UBE2QL1: variants seen among roughly 807,000 people sequenced by gnomAD.
UBE2QL1 encodes the protein ubiquitin-conjugating enzyme E2Q-like protein 1.
Under a neutral mutation model 12.6 loss-of-function variants are expected in UBE2QL1, and 5 were observed. The observed-to-expected ratio is 0.40, with a 90% CI of 0.21 to 0.83. The LOEUF (loss-of-function observed/expected upper bound fraction) is 0.83, where lower values mean the gene tolerates loss of function less well. Among genes scored for constraint, UBE2QL1 ranks in the 40% least tolerant of loss-of-function variants. The pLI is 0.37. For synonymous variants in UBE2QL1, 96 were observed against 94.5 expected (o/e 1.02, Z -0.10); for missense variants, 99 against 222.6 (o/e 0.44, Z 3.53).
intron 1 of UBE2QL1, 58 bp from the exon 2 acceptor site, chr5:6,491,160 G>A: frequency 6.8e-7 from 1 of 1,470,434 alleles, no homozygotes; most frequent in South Asian, 1.4e-5. Flanking sequence ...AATAAAGATG[G>A]TAGGAAACAG....
intron 1 of UBE2QL1, among the ~76,000 whole-genome samples, chr5:6,488,421 A>G (rs1275512395): frequency 6.6e-6 from 1 of 151,694 alleles, no homozygotes; most frequent in Non-Finnish European, 1.5e-5. Flanking sequence ...TATTGTGGAG[A>G]AAAAGGATAC....
intron 1 of UBE2QL1, among the ~76,000 whole-genome samples, chr5:6,470,205 A>G (rs1739881689): frequency 6.6e-6 from 1 of 152,152 alleles, no homozygotes; most frequent in South Asian, 2.1e-4. Context: ...GCCTTTGTGC[A>G]CCTCCAGGTG....
At chr5:6,457,847 A>G (rs1024434358) in intron 1 of UBE2QL1, among the ~76,000 whole-genome samples, 8 of 152,338 alleles carry the variant, frequency 5.3e-5, no homozygotes, top group Non-Finnish European at 1.0e-4. Context: ...ATGCCTCTGC[A>G]GTTCCATGGT....
intron 1 of UBE2QL1, among the ~76,000 whole-genome samples, chr5:6,488,623 CCT>C (rs1734509286): frequency 6.6e-6 from 1 of 151,818 alleles, no homozygotes; most frequent in South Asian, 2.1e-4. Flanking sequence ...AAAACGATAC[CCT>C]GTCTCTATAA....
At position 6,491,707 on chromosome 5, in the gene UBE2QL1, C is replaced by T. The variant is rs535194776; in HGVS notation, c.*358C>T. 49 of 167,680 alleles carry T rather than the reference C, an allele frequency of 2.9e-4. 1 individual carries two copies. The East Asian group carries it at 8.1e-3, about 28-fold the overall frequency. 10.4% of individuals were successfully genotyped at this position (167,680 alleles called of 1,614,324 possible). On this transcript the variant is annotated 3_prime_UTR_variant, in exon 2 of 2. Coordinates refer to ENST00000399816, the MANE Select transcript of UBE2QL1 (RefSeq NM_001145161.3). ...GACGAGCCGGCAGGAAACTCAATGC[C>T]CCTGCTGGCTCCATTTCCATGTAAA...
At chr5:6,483,784 C>T (rs1734412146) in intron 1 of UBE2QL1, among the ~76,000 whole-genome samples, 1 of 152,216 alleles carries the variant, frequency 6.6e-6, no homozygotes, top group African/African-American at 2.4e-5. Context: ...GGGCTGGTTC[C>T]CTTGTGGCTG....
At chr5:6,488,815 A>AAAAAAAG (rs111499555) in intron 1 of UBE2QL1, among the ~76,000 whole-genome samples, 1 of 150,968 alleles carries the variant, frequency 6.6e-6, no homozygotes, top group African/African-American at 2.5e-5. Flanking sequence ...AGAAAAAAAA[A>AAAAAAAG]AAGAAGAAAT....
At chr5:6,472,029 G>A (rs577148223) in intron 1 of UBE2QL1, among the ~76,000 whole-genome samples, 2 of 152,212 alleles carry the variant, frequency 1.3e-5, no homozygotes, top group South Asian at 2.1e-4. Flanking sequence ...ACTTCATCCT[G>A]TCAGGTGTGT....
At chr5:6,460,962 A>G (rs1739645697) in intron 1 of UBE2QL1, among the ~76,000 whole-genome samples, 2 of 152,172 alleles carry the variant, frequency 1.3e-5, no homozygotes, top group African/African-American at 2.4e-5. Context: ...AAAGCTGTGG[A>G]CCCCAGCAAT....
chr5:6,464,133 C>T (rs556718009), intron 1 of UBE2QL1, among the ~76,000 whole-genome samples: 6 of 152,216 alleles, frequency 3.9e-5, no homozygotes, highest in South Asian at 2.1e-4. Flanking sequence ...TTGAGAATTA[C>T]GTAATTAAGT....
chr5:6,466,470 C>T (rs6555395), intron 1 of UBE2QL1, among the ~76,000 whole-genome samples: 9,794 of 152,294 alleles, frequency 0.064, 431 homozygotes, highest in African/African-American at 0.13. Context: ...TGGGGCTGGA[C>T]GCTCCCCCAG....
At chr5:6,473,577 G>T (rs1468853071) in intron 1 of UBE2QL1, among the ~76,000 whole-genome samples, 14 of 152,202 alleles carry the variant, frequency 9.2e-5, no homozygotes, top group Admixed American at 7.9e-4. Context: ...GAGCATTAAC[G>T]CTCTCTAACA....
chr5:6,457,871 A>G (rs80149703), intron 1 of UBE2QL1, among the ~76,000 whole-genome samples: 1,681 of 152,352 alleles, frequency 0.011, 27 homozygotes, highest in African/African-American at 0.039. Flanking sequence ...TGGTTTTCCT[A>G]CAATACTCAG....
chr5:6,458,183 A>G (rs1269852550), intron 1 of UBE2QL1, among the ~76,000 whole-genome samples: 1 of 152,264 alleles, frequency 6.6e-6, no homozygotes, highest in Non-Finnish European at 1.5e-5. Context: ...AGGAATGTCT[A>G]CCTTAAAATA....
At chr5:6,486,923 T>TA (rs1734478306) in intron 1 of UBE2QL1, among the ~76,000 whole-genome samples, 1 of 152,144 alleles carries the variant, frequency 6.6e-6, no homozygotes, top group Non-Finnish European at 1.5e-5. Flanking sequence ...AGCAAAGAAT[T>TA]ACCTGGCCCA....
At chr5:6,490,028 A>G (rs762226745) in intron 1 of UBE2QL1, among the ~76,000 whole-genome samples, 2 of 152,212 alleles carry the variant, frequency 1.3e-5, no homozygotes, top group Non-Finnish European at 2.9e-5. Flanking sequence ...CCAGTACATA[A>G]AGCTCAGCCA....
intron 1 of UBE2QL1, among the ~76,000 whole-genome samples, chr5:6,489,789 A>G (rs747059695): frequency 1.3e-5 from 2 of 152,226 alleles, no homozygotes; most frequent in Non-Finnish European, 2.9e-5. Flanking sequence ...TGGTGGCCAC[A>G]CAGACCCATA....
At chr5:6,490,828 T>C (rs1179034163) in intron 1 of UBE2QL1, among the ~76,000 whole-genome samples, 1 of 152,224 alleles carries the variant, frequency 6.6e-6, no homozygotes, top group African/African-American at 2.4e-5. Context: ...AACAGTATAT[T>C]GCCTCAGGGA....
intron 1 of UBE2QL1, among the ~76,000 whole-genome samples, chr5:6,464,524 G>A (rs1167654523): frequency 1.3e-5 from 2 of 152,164 alleles, no homozygotes; most frequent in Admixed American, 1.3e-4. Flanking sequence ...GTAGTTGAGG[G>A]TTCTTGGCCC....
Sources: gnomAD v4.1 joint callset for allele counts (sites outside exome capture counted in the v4.1 genomes callset) on GRCh38, gnomAD v4.1.1 for gene constraint, MANE v1.5 for transcripts, NCBI Gene and HGNC (gene_info 2026-07-23, HGNC 2026-07-21) for gene names.